BAZ2B: variants seen among roughly 807,000 people sequenced by gnomAD.
The protein encoded by BAZ2B is bromodomain adjacent to zinc finger domain 2B.
BAZ2B carries 91 observed loss-of-function variants against 246.0 expected under a neutral mutation model. The observed-to-expected ratio is 0.37, with a 90% confidence interval of 0.31 to 0.44. BAZ2B has a LOEUF of 0.44. Among genes scored for constraint, BAZ2B ranks in the 20% least tolerant of loss-of-function variants. The pLI is 1.00. For synonymous variants in BAZ2B, 855 were observed against 860.0 expected (o/e 0.99, Z 0.10); for missense variants, 2,332 against 2,533.7 (o/e 0.92, Z 1.71).
intron 2 of BAZ2B, among the ~76,000 whole-genome samples, chr2:159,535,195 G>C (rs190795168): frequency 2.3e-4 from 33 of 145,130 alleles, no homozygotes; most frequent in Non-Finnish European, 3.8e-4. Flanking sequence ...TATACTCATG[G>C]ACTTTGATCT....
intron 14 of BAZ2B, among the ~76,000 whole-genome samples, chr2:159,406,994 T>C (rs959947804): frequency 1.1e-4 from 16 of 151,852 alleles, no homozygotes; most frequent in Non-Finnish European, 2.2e-4. Context: ...GACCTCGTGA[T>C]TCACCTGCCT....
intron 2 of BAZ2B, among the ~76,000 whole-genome samples, chr2:159,534,651 C>CG (rs368964524): frequency 1.1e-4 from 16 of 148,746 alleles, no homozygotes; most frequent in African/African-American, 4.0e-4. Context: ...TTTTCTGAGA[C>CG]GGAGTCTCGC....
chr2:159,382,163 T>C (rs1430755668), intron 25 of BAZ2B, among the ~76,000 whole-genome samples: 1 of 152,200 alleles, frequency 6.6e-6, no homozygotes, highest in Non-Finnish European at 1.5e-5. Flanking sequence ...GTAATTGGTG[T>C]TTGAGGAATA....
rs187015410 is a variant in BAZ2B, at chr2:159,558,974, T to A, written c.-45-3109A>T. Among the ~76,000 whole-genome samples, 384 of 152,258 alleles carry A rather than the reference T, an allele frequency of 2.5e-3. 2 individuals are homozygous for A. The highest frequency in any genetic ancestry group is 0.01 in the Middle Eastern group (3 of 294). ...GCTACATAGGCCAGGCGCGGGTGGT[T>A]CATGCCTGTAATCCCAGCACTTTGG... is the stretch of plus-strand genomic sequence containing the variant. On this transcript the variant is annotated intron_variant, in intron 1 of 36. Transcript: ENST00000392783.
At chr2:159,482,370 G>A (rs1371933669) in intron 2 of BAZ2B, among the ~76,000 whole-genome samples, 3 of 152,082 alleles carry the variant, frequency 2.0e-5, no homozygotes, top group African/African-American at 7.2e-5. Context: ...TTCCTCATGA[G>A]TGATTTCAAG....
intron 19 of BAZ2B, chr2:159,396,994 C>T: frequency 1.7e-6 from 2 of 1,155,888 alleles, no homozygotes; most frequent in Non-Finnish European, 2.3e-6. Context: ...CAGTGCTACA[C>T]TTTATGCATT....
chr2:159,497,047 A>C (rs1478446951), intron 2 of BAZ2B, among the ~76,000 whole-genome samples: 1 of 152,158 alleles, frequency 6.6e-6, no homozygotes. Flanking sequence ...TCATTTAATA[A>C]TTCTCACTAC....
chr2:159,411,686 T>A (rs2149899973), intron 14 of BAZ2B, among the ~76,000 whole-genome samples: 1 of 152,320 alleles, frequency 6.6e-6, no homozygotes, highest in African/African-American at 2.4e-5. Flanking sequence ...AGCCTTCTCT[T>A]TGCCATACAT....
At chr2:159,450,741 CTTT>C (rs201235112) in intron 4 of BAZ2B, among the ~76,000 whole-genome samples, 5 of 143,426 alleles carry the variant, frequency 3.5e-5, no homozygotes, top group African/African-American at 2.6e-5. Context: ...ACATTTAACT[CTTT>C]TTTTTTTTTT....
the BAZ2B span, among the ~76,000 whole-genome samples, chr2:159,671,527 G>A: frequency 6.6e-6 from 1 of 151,948 alleles, no homozygotes; most frequent in Non-Finnish European, 1.5e-5. Flanking sequence ...AACATATCAG[G>A]TACAACAGTT....
In BAZ2B at chr2:159,372,157, A is replaced by T. The variant is rs138209784; in HGVS notation, c.4213+888T>A. ...CTCCCCAGTGGACTATAAACATGAC[A>T]TGGATTCTATTTTATACAGCTTTGT... is the stretch of plus-strand genomic sequence containing the variant. On this transcript the variant is annotated intron_variant, in intron 27 of 36. Transcript: ENST00000392783. Among the ~76,000 whole-genome samples, 219 of 152,312 alleles carry T rather than the reference A, an allele frequency of 1.4e-3. 1 individual carries two copies. Among genetic ancestry groups the T allele is most frequent in the Middle Eastern group, 3.4e-3 (1 of 294 alleles).
chr2:159,627,513 C>T, the BAZ2B span, among the ~76,000 whole-genome samples: 7 of 152,152 alleles, frequency 4.6e-5, no homozygotes, highest in South Asian at 1.4e-3. Flanking sequence ...GCTGGTTCAA[C>T]ATATGCAAAT....
At chr2:159,622,751 G>T in the BAZ2B span, among the ~76,000 whole-genome samples, 1 of 152,102 alleles carries the variant, frequency 6.6e-6, no homozygotes, top group African/African-American at 2.4e-5. Context: ...AGTGGCTCAT[G>T]CCTGTAATGC....
At chr2:159,318,212 A>G (rs993914150), downstream of BAZ2B, among the ~76,000 whole-genome samples, 1 of 152,226 alleles carries the variant, frequency 6.6e-6, no homozygotes, top group East Asian at 1.9e-4. Flanking sequence ...AGGCAGTTCT[A>G]GAAACACAAA....
At chr2:159,341,716 C>G (rs2066766221) in intron 31 of BAZ2B, among the ~76,000 whole-genome samples, 1 of 152,096 alleles carries the variant, frequency 6.6e-6, no homozygotes, top group African/African-American at 2.4e-5. Context: ...ACAAGAGGAA[C>G]ATTTAAAACC....
the BAZ2B span, among the ~76,000 whole-genome samples, chr2:159,686,914 T>C: frequency 1.5e-4 from 23 of 151,678 alleles, no homozygotes; most frequent in African/African-American, 2.2e-4. Context: ...TGGTGGCGGG[T>C]GCCTGTAGTC....
chr2:159,457,908 T>C (rs187401182), intron 3 of BAZ2B, among the ~76,000 whole-genome samples: 1 of 152,278 alleles, frequency 6.6e-6, no homozygotes, highest in African/African-American at 2.4e-5. Context: ...TCCCTTCCAC[T>C]TGGTCTGTAA....
intron 27 of BAZ2B, among the ~76,000 whole-genome samples, chr2:159,369,693 T>C (rs541596160): frequency 2.4e-4 from 37 of 152,306 alleles, no homozygotes; most frequent in Non-Finnish European, 3.7e-4. Context: ...AGGGCTCAGA[T>C]TGATCATTTT....
intron 3 of BAZ2B, among the ~76,000 whole-genome samples, chr2:159,469,275 C>CAG (rs2077479751): frequency 6.6e-6 from 1 of 151,992 alleles, no homozygotes; most frequent in South Asian, 2.1e-4. Flanking sequence ...ACCAATCATA[C>CAG]AGACATTAAA....
Sources: gnomAD v4.1 joint callset for allele counts (sites outside exome capture counted in the v4.1 genomes callset) on GRCh38, gnomAD v4.1.1 for gene constraint, MANE v1.5 for transcripts, NCBI Gene and HGNC (gene_info 2026-07-23, HGNC 2026-07-21) for gene names.